Variants in POLN observed in about 807,000 individuals in gnomAD.
The protein encoded by POLN is DNA polymerase N.
Under a neutral mutation model 113.5 loss-of-function variants are expected in POLN, and 108 were observed. The observed-to-expected ratio is 0.95, with a 90% CI of 0.81 to 1.12. The LOEUF (loss-of-function observed/expected upper bound fraction) is 1.12, where lower values mean the gene tolerates loss of function less well. Ranked by LOEUF, POLN falls within the 50% of genes most tolerant of loss-of-function variation. The pLI is 0.00. For missense variants in POLN, 1,097 were observed against 1,077.1 expected, an observed-to-expected ratio of 1.02 and a Z score of -0.26; for synonymous variants, 386 against 391.5, an observed-to-expected ratio of 0.99 and a Z score of 0.17.
chr4:2,155,053 G>T (rs1732389988), intron 16 of POLN, among the ~76,000 whole-genome samples: 1 of 152,162 alleles, frequency 6.6e-6, no homozygotes, highest in Non-Finnish European at 1.5e-5. Flanking sequence ...GAGATTTACT[G>T]AAAATGTAAT....
In POLN at chr4:2,090,411, C is replaced by A. The variant is rs754422397; in HGVS notation, c.2066-4667G>T. 38 of 613,204 alleles carry A rather than the reference C, an allele frequency of 6.2e-5. 1 individual carries two copies. The highest frequency in any genetic ancestry group is 1.8e-4 in the Admixed American group (7 of 38,292). 38.0% of individuals were successfully genotyped at this position (613,204 alleles called of 1,614,324 possible). On this transcript the variant is annotated intron_variant, in intron 20 of 25. Transcript: ENST00000511885. ...GATTAAATCCACTGAGCTGATGGTT[C>A]GAAACATAATTGAAAGATTCTTTCA...
At chr4:2,153,732 A>C (rs1194091295) in intron 16 of POLN, among the ~76,000 whole-genome samples, 1 of 151,294 alleles carries the variant, frequency 6.6e-6, no homozygotes, top group African/African-American at 2.4e-5. Context: ...ACAGGCGCCC[A>C]CTACCACGCC....
chr4:2,141,477 G>C (rs1387559889), intron 16 of POLN, among the ~76,000 whole-genome samples: 1 of 152,152 alleles, frequency 6.6e-6, no homozygotes, highest in Non-Finnish European at 1.5e-5. Flanking sequence ...TGGCCACCCT[G>C]TCCTTGTGGG....
At chr4:2,205,751 C>T (rs1733825974) in intron 5 of POLN, among the ~76,000 whole-genome samples, 1 of 151,824 alleles carries the variant, frequency 6.6e-6, no homozygotes, top group African/African-American at 2.4e-5. Flanking sequence ...CACGCACCTC[C>T]CAAGTCCCAG....
intron 19 of POLN, among the ~76,000 whole-genome samples, chr4:2,114,973 G>A (rs1731281156): frequency 6.6e-6 from 1 of 151,488 alleles, no homozygotes; most frequent in African/African-American, 2.4e-5. Context: ...CTTTCTATTG[G>A]CCTGTCTTCA....
chr4:2,154,578 G>A (rs1732378344), intron 16 of POLN, among the ~76,000 whole-genome samples: 1 of 152,130 alleles, frequency 6.6e-6, no homozygotes, highest in Non-Finnish European at 1.5e-5. Flanking sequence ...TTGGCGAGAG[G>A]CTAATTTGGC....
chr4:2,174,622 A>G, intron 10 of POLN, 69 bp downstream of exon 10: 1 of 1,290,590 alleles, frequency 7.7e-7, no homozygotes, highest in South Asian at 1.2e-5. Context: ...GTATGGAGAA[A>G]TGTTCATCCC....
intron 19 of POLN, among the ~76,000 whole-genome samples, chr4:2,115,283 G>C (rs1397806482): frequency 6.7e-6 from 1 of 148,826 alleles, no homozygotes; most frequent in East Asian, 2.0e-4. Context: ...GGCCAGGCTG[G>C]TTTCGAACTC....
chr4:2,240,620 T>C (rs1734947869), intron 2 of POLN: 2 of 1,613,310 alleles, frequency 1.2e-6, no homozygotes, highest in Non-Finnish European at 8.5e-7. Context: ...TTAATTTCAG[T>C]AGAGTTTGAA....
intron 19 of POLN, among the ~76,000 whole-genome samples, chr4:2,115,880 A>G (rs1731305560): frequency 6.6e-6 from 1 of 152,162 alleles, no homozygotes; most frequent in South Asian, 2.1e-4. Flanking sequence ...GGAGTCTAAG[A>G]ACTGCACAAT....
intron 24 of POLN, 83 bp downstream of exon 24, chr4:2,075,369 T>C: frequency 6.9e-7 from 1 of 1,448,694 alleles, no homozygotes; most frequent in Admixed American, 1.7e-5. Context: ...GCTGAGGGGC[T>C]TTCCTGGGCT....
intron 16 of POLN, chr4:2,156,418 C>T (rs1561049188): frequency 2.1e-6 from 1 of 465,584 alleles, no homozygotes; most frequent in Admixed American, 2.4e-5. Flanking sequence ...CTTCAACAAC[C>T]ACCAAAAAAT....
chr4:2,157,998 C>G (rs879382621), intron 14 of POLN, 87 bp from the exon 15 acceptor site: 2 of 1,041,466 alleles, frequency 1.9e-6, no homozygotes, highest in African/African-American at 1.6e-5. Context: ...ATTGCCCAGG[C>G]TGGAGTGCAG....
chr4:2,112,575 G>C (rs1358433273), intron 19 of POLN, among the ~76,000 whole-genome samples: 1 of 152,170 alleles, frequency 6.6e-6, no homozygotes, highest in Non-Finnish European at 1.5e-5. Context: ...AGTGGGTGAA[G>C]GATATGAACA....
chr4:2,165,188 G>A (rs565204399), intron 13 of POLN, among the ~76,000 whole-genome samples: 17 of 152,140 alleles, frequency 1.1e-4, no homozygotes, highest in Non-Finnish European at 1.8e-4. Flanking sequence ...GATGTTCTTC[G>A]TAGGTAAATG....
intron 16 of POLN, among the ~76,000 whole-genome samples, chr4:2,152,690 GT>G (rs1428615303): frequency 4.6e-5 from 7 of 151,976 alleles, no homozygotes; most frequent in Non-Finnish European, 5.9e-5. Flanking sequence ...CTGGATTCAA[GT>G]TTTATGTGTA....
At chr4:2,077,953 G>C (rs1007589021) in intron 23 of POLN, among the ~76,000 whole-genome samples, 1 of 152,224 alleles carries the variant, frequency 6.6e-6, no homozygotes, top group African/African-American at 2.4e-5. Flanking sequence ...GTTCCTGAGA[G>C]GGGTCGGCCA....
intron 21 of POLN, among the ~76,000 whole-genome samples, chr4:2,084,682 C>T (rs1370367573): frequency 6.6e-6 from 1 of 152,230 alleles, no homozygotes; most frequent in Non-Finnish European, 1.5e-5. Flanking sequence ...GGGAGAGGCT[C>T]ACGGAGAGGG....
At chr4:2,206,605 C>T (rs1733851380) in intron 5 of POLN, among the ~76,000 whole-genome samples, 2 of 152,266 alleles carry the variant, frequency 1.3e-5, no homozygotes, top group Non-Finnish European at 2.9e-5. Flanking sequence ...ATAGACAATT[C>T]TCCAAAGAAG....
Sources: gnomAD v4.1 joint callset for allele counts (sites outside exome capture counted in the v4.1 genomes callset) on GRCh38, gnomAD v4.1.1 for gene constraint, MANE v1.5 for transcripts, NCBI Gene and HGNC (gene_info 2026-07-23, HGNC 2026-07-21) for gene names.